DHRSX: variants seen among roughly 807,000 people sequenced by gnomAD.
The protein encoded by DHRSX is polyprenol dehydrogenase.
In DHRSX, 31 loss-of-function variants were observed where a neutral mutation model predicts 34.0. That is an observed-to-expected ratio of 0.91 (90% CI 0.69 to 1.23). The LOEUF (loss-of-function observed/expected upper bound fraction) is 1.23, where lower values mean the gene tolerates loss of function less well. Among genes scored for constraint, DHRSX ranks in the 50% most tolerant of loss-of-function variants. The pLI is 0.00. For synonymous variants in DHRSX, 201 were observed against 183.8 expected (o/e 1.09, Z -0.76); for missense variants, 414 against 428.1 (o/e 0.97, Z 0.29).
At position 2,460,189 on chromosome X, in the gene DHRSX, C is replaced by A. The variant is rs377526401; in HGVS notation, c.110-34885G>T. The stretch of plus-strand genomic sequence containing the variant: ...GACCTTCCAGTGAGCACACGAGGTC[C>A]TCTCACAAAGCGGCGAGTGTTCCCA... On this transcript the variant is annotated intron_variant, in intron 1 of 6. Transcript: ENST00000334651. 1.8e-4 allele frequency among the ~76,000 whole-genome samples: 27 copies of A among 151,558 alleles called. No individual in the cohort carries two copies. In the East Asian group the frequency reaches 3.9e-3, roughly 22 times the overall value.
At chrX:2,498,625 GAAAAAAAA>G (rs10624636) in intron 1 of DHRSX, among the ~76,000 whole-genome samples, 1 of 128,778 alleles carries the variant, frequency 7.8e-6, no homozygotes, top group African/African-American at 3.0e-5. Context: ...CAGTAAATGG[GAAAAAAAA>G]AAAAAAAAAA....
At chrX:2,263,524 T>TG (rs1309935197) in intron 5 of DHRSX, among the ~76,000 whole-genome samples, 1 of 151,328 alleles carries the variant, frequency 6.6e-6, no homozygotes, top group African/African-American at 2.4e-5. Flanking sequence ...TTTTTTTTTT[T>TG]TTTTTTGAGA....
chrX:2,455,304 T>C (rs1178092943), intron 1 of DHRSX, among the ~76,000 whole-genome samples: 1 of 151,458 alleles, frequency 6.6e-6, no homozygotes, highest in Non-Finnish European at 1.5e-5. Context: ...AGGTGGAGGG[T>C]GGGACAAACG....
At chrX:2,241,898 A>G (rs1226911974) in intron 6 of DHRSX, among the ~76,000 whole-genome samples, 1 of 152,156 alleles carries the variant, frequency 6.6e-6, no homozygotes, top group African/African-American at 2.4e-5. Context: ...ACACAGAACG[A>G]AACTCCGTCT....
intron 6 of DHRSX, among the ~76,000 whole-genome samples, chrX:2,234,761 A>G (rs2015975010): frequency 6.6e-6 from 1 of 152,278 alleles, no homozygotes; most frequent in South Asian, 2.1e-4. Flanking sequence ...CCCAGGCTGG[A>G]GTGCAGTGGC....
intron 1 of DHRSX, chrX:2,486,834 T>G (rs983632795): frequency 5.9e-5 from 9 of 152,336 alleles, no homozygotes; most frequent in Non-Finnish European, 7.4e-5. Context: ...TTCCACAGAC[T>G]TAAACCGGCT....
intron 3 of DHRSX, among the ~76,000 whole-genome samples, chrX:2,360,841 CCT>C (rs2042924661): frequency 6.6e-6 from 1 of 151,908 alleles, no homozygotes; most frequent in Non-Finnish European, 1.5e-5. Context: ...AATTCTGCCC[CCT>C]CTCTGCCAAC....
In DHRSX at chrX:2,425,311, A is replaced by ATC; in HGVS notation, c.110-8_110-7insGA. On this transcript the variant is annotated splice_polypyrimidine_tract_variant and splice_region_variant and intron_variant, in intron 1 of 6. Transcript: ENST00000334651. The stretch of plus-strand genomic sequence containing the variant: ...TCAGGTCGTGGGGGGAAAACTGAAA[A>ATC]AGAAGAAGAGAAAATCATCAAACTA... 1.2e-6 allele frequency: 2 copies of ATC among 1,607,354 alleles called. No individual in the cohort carries two copies. Among genetic ancestry groups the ATC allele is most frequent in the Non-Finnish European group, 1.7e-6 (2 of 1,174,926 alleles).
At chrX:2,304,037 ATGGATGGATGGATGGATGGATGGATGGG>A (rs1271727395) in intron 3 of DHRSX, among the ~76,000 whole-genome samples, 31 of 127,122 alleles carry the variant, frequency 2.4e-4, no homozygotes, top group Admixed American at 1.8e-3. Context: ...GGATGGATGG[ATGGATGGATGGATGGATGGATGGATGGG>A]TGGATGGATG....
At chrX:2,438,599 C>T (rs1422637858) in intron 1 of DHRSX, among the ~76,000 whole-genome samples, 1 of 148,664 alleles carries the variant, frequency 6.7e-6, no homozygotes, top group African/African-American at 2.5e-5. Flanking sequence ...ACCCAGGAGG[C>T]GGACATTGCG....
intron 3 of DHRSX, among the ~76,000 whole-genome samples, chrX:2,379,190 C>G (rs1189049186): frequency 1.3e-5 from 2 of 151,980 alleles, no homozygotes; most frequent in Admixed American, 6.6e-5. Context: ...GCTTCAGAGT[C>G]CCCTGTAAAT....
At chrX:2,249,191 C>CTTTTTT (rs541852639) in intron 5 of DHRSX, among the ~76,000 whole-genome samples, 4 of 118,884 alleles carry the variant, frequency 3.4e-5, no homozygotes, top group Non-Finnish European at 5.0e-5. Context: ...AATCATAAAT[C>CTTTTTT]TTTTTTTTTT....
At chrX:2,399,743 C>CAAAAAAAAAAAAAAAAAA (rs951340315) in intron 3 of DHRSX, among the ~76,000 whole-genome samples, 334 of 54,646 alleles carry the variant, frequency 6.1e-3, no homozygotes, top group African/African-American at 0.01. Context: ...AAAAAAAAAA[C>CAAAAAAAAAAAAAAAAAA]AAAAAAACAC....
intron 3 of DHRSX, among the ~76,000 whole-genome samples, chrX:2,327,706 G>A (rs894237951): frequency 7.9e-5 from 12 of 152,168 alleles, no homozygotes; most frequent in Admixed American, 2.0e-4. Flanking sequence ...CATATTTGGA[G>A]ATAGTCTTTA....
chrX:2,443,630 A>G (rs978073744), intron 1 of DHRSX, among the ~76,000 whole-genome samples: 15 of 151,924 alleles, frequency 9.9e-5, no homozygotes, highest in African/African-American at 3.6e-4. Context: ...GCACCGTTAC[A>G]CTCACCTGGA....
chrX:2,370,768 G>C (rs1347734877), intron 3 of DHRSX, among the ~76,000 whole-genome samples: 1 of 151,958 alleles, frequency 6.6e-6, no homozygotes, highest in Non-Finnish European at 1.5e-5. Context: ...TCACATTTTG[G>C]TTGGGTTTCT....
chrX:2,387,948 G>A (rs1240293187), intron 3 of DHRSX, among the ~76,000 whole-genome samples: 4 of 128,786 alleles, frequency 3.1e-5, no homozygotes, highest in Admixed American at 8.0e-5. Flanking sequence ...GGTACCCCCA[G>A]AACCTAAATC....
At chrX:2,452,416 T>A (rs1218092807) in intron 1 of DHRSX, among the ~76,000 whole-genome samples, 4 of 151,790 alleles carry the variant, frequency 2.6e-5, no homozygotes, top group Non-Finnish European at 5.9e-5. Context: ...ACTGCCACCG[T>A]GTACACATTG....
intron 3 of DHRSX, among the ~76,000 whole-genome samples, chrX:2,386,182 TATTTATTTATTTA>T (rs1177955105): frequency 6.6e-6 from 1 of 150,726 alleles, no homozygotes; most frequent in Non-Finnish European, 1.5e-5. Context: ...TTTATTTATT[TATTTATTTATTTA>T]TTTTGTGTGT....
Sources: allele counts gnomAD v4.1 joint callset (sites outside exome capture counted in the v4.1 genomes callset), GRCh38; gene constraint gnomAD v4.1.1; transcripts MANE v1.5; gene names NCBI Gene and HGNC (gene_info 2026-07-23, HGNC 2026-07-21).